Variants in SUSD5 observed in about 807,000 individuals in gnomAD.
The protein encoded by SUSD5 is sushi domain-containing protein 5.
SUSD5 carries 33 observed loss-of-function variants against 29.5 expected under a neutral mutation model. That is an observed-to-expected ratio of 1.12 (90% confidence interval 0.85 to 1.49). SUSD5 has a LOEUF of 1.49. SUSD5 is among the 40% of genes most tolerant of loss of function. SUSD5 has a pLI of 0.00. For synonymous variants in SUSD5, 308 were observed against 325.3 expected (o/e 0.95, Z 0.57); for missense variants, 776 against 800.6 (o/e 0.97, Z 0.37).
chr3:33,180,003 A>G (rs2125622613), intron 3 of SUSD5, among the ~76,000 whole-genome samples: 1 of 152,374 alleles, frequency 6.6e-6, no homozygotes, highest in African/African-American at 2.4e-5. Flanking sequence ...CCAACTGTAT[A>G]AAAGTATAGC....
At chr3:33,187,505 C>T (rs1046042665) in intron 3 of SUSD5, among the ~76,000 whole-genome samples, 7 of 152,166 alleles carry the variant, frequency 4.6e-5, no homozygotes, top group African/African-American at 1.4e-4. Flanking sequence ...AAAAACACCA[C>T]TCATATCCAG....
Position 33,153,361 on chromosome 3 carries a change from G to A in SUSD5, c.1271C>T (p.Thr424Ile). The change falls in exon 5 of 5, where the codon ACC (threonine) becomes ATC (isoleucine). Residue 424 changes from threonine (T) to isoleucine (I), a missense_variant. Thr to Ile is a moderately conservative substitution (Grantham distance 89, BLOSUM62 -1). Coordinates refer to ENST00000309558, the MANE Select transcript of SUSD5 (RefSeq NM_015551.2). Reference sequence around the variant, plus strand: ...GGTCATGCCCTCGCTTGGTGTGAGGGTGCTACTCTTGGGCTTCTTAACTTC... The same window carrying A: ...GGTCATGCCCTCGCTTGGTGTGAGGATGCTACTCTTGGGCTTCTTAACTTC... Reference protein sequence around the residue: ...LVEVKKPKSSTLTPSEGMTHS... With the variant: ...LVEVKKPKSSILTPSEGMTHS... The A allele has an allele frequency of 6.2e-7, 1 of 1,613,844 alleles. No individual in the cohort carries two copies. The highest frequency in any genetic ancestry group is 8.5e-7 in the Non-Finnish European group (1 of 1,179,818).
intron 4 of SUSD5, among the ~76,000 whole-genome samples, chr3:33,158,832 G>A (rs6781673): frequency 0.32 from 48,426 of 151,910 alleles, 9,027 homozygotes; most frequent in East Asian, 0.5. Flanking sequence ...CCACCCACTC[G>A]AAAGCATAGG....
intron 3 of SUSD5, among the ~76,000 whole-genome samples, chr3:33,206,443 GTGTGTGTGTA>G (rs2032221289): frequency 1.6e-5 from 2 of 127,728 alleles, no homozygotes; most frequent in South Asian, 2.7e-4. Context: ...GTGTGTGTGT[GTGTGTGTGTA>G]TGTGTTTTAA....
chr3:33,178,428 G>A (rs1041693185), intron 3 of SUSD5, among the ~76,000 whole-genome samples: 1 of 140,144 alleles, frequency 7.1e-6, no homozygotes, highest in Admixed American at 7.2e-5. Context: ...AGATACATTG[G>A]TCTGTAGTTT....
chr3:33,155,421 C>A (rs896748813), intron 4 of SUSD5, among the ~76,000 whole-genome samples: 1 of 152,134 alleles, frequency 6.6e-6, no homozygotes, highest in Admixed American at 6.5e-5. Context: ...AACAGACCGA[C>A]AATATCAAAT....
intron 3 of SUSD5, among the ~76,000 whole-genome samples, chr3:33,180,208 A>T (rs2031639214): frequency 6.6e-6 from 1 of 152,192 alleles, no homozygotes; most frequent in African/African-American, 2.4e-5. Flanking sequence ...ATAATAGGAG[A>T]TGACAGCTCC....
At chr3:33,196,090 T>C (rs948610350) in intron 3 of SUSD5, among the ~76,000 whole-genome samples, 1 of 152,132 alleles carries the variant, frequency 6.6e-6, no homozygotes, top group African/African-American at 2.4e-5. Context: ...ATATAAATGG[T>C]TGGAGACTGA....
intron 3 of SUSD5, among the ~76,000 whole-genome samples, chr3:33,205,773 C>T (rs1357058146): frequency 6.6e-6 from 1 of 152,202 alleles, no homozygotes; most frequent in African/African-American, 2.4e-5. Flanking sequence ...GGGTACCTAG[C>T]TAACAGCAGC....
chr3:33,196,672 T>C (rs1366431665), intron 3 of SUSD5, among the ~76,000 whole-genome samples: 1 of 152,168 alleles, frequency 6.6e-6, no homozygotes, highest in Admixed American at 6.6e-5. Flanking sequence ...GTCAATAGGG[T>C]AGGCTGACCG....
intron 4 of SUSD5, among the ~76,000 whole-genome samples, chr3:33,173,326 A>C (rs1307754496): frequency 6.6e-6 from 1 of 152,252 alleles, no homozygotes; most frequent in African/African-American, 2.4e-5. Context: ...CATCAGCTGC[A>C]GCTGAACACA....
intron 2 of SUSD5, among the ~76,000 whole-genome samples, chr3:33,211,838 T>A (rs2125633674): frequency 6.6e-6 from 1 of 152,370 alleles, no homozygotes; most frequent in South Asian, 2.1e-4. Context: ...GCATTCTTCC[T>A]ATGTTTTCTT....
chr3:33,174,781 A>T lies in SUSD5; in HGVS notation c.598+105T>A, dbSNP rs2031508496. On this transcript the variant is annotated intron_variant, in intron 4 of 4. Coordinates refer to ENST00000309558, the MANE Select transcript of SUSD5 (RefSeq NM_015551.2). ...TAAAGGTCTGAAAGCCTCTTTTCAA[A>T]GGCACCTTGGTGGAGAAGAGCCCAC... 5.9e-6 allele frequency: 8 copies of T among 1,353,970 alleles called. No homozygotes were observed. The South Asian group carries it at 8.2e-5, about 14-fold the overall frequency. The allele number at this position is 1,353,970 out of a possible 1,614,324, so 83.9% of individuals were successfully genotyped here. A position where few individuals can be genotyped will look rare whatever the true frequency, so the allele number is the denominator to read the frequency against.
At chr3:33,194,555 A>G (rs544366968) in intron 3 of SUSD5, among the ~76,000 whole-genome samples, 2 of 152,326 alleles carry the variant, frequency 1.3e-5, no homozygotes, top group South Asian at 4.1e-4. Flanking sequence ...TGTTTCAAGG[A>G]AGTGTGTGGT....
intron 3 of SUSD5, among the ~76,000 whole-genome samples, chr3:33,181,095 G>A (rs996285860): frequency 6.6e-6 from 1 of 151,754 alleles, no homozygotes; most frequent in South Asian, 2.1e-4. Flanking sequence ...CTGTTATTAT[G>A]AAAAAGTCAA....
At chr3:33,197,408 T>C (rs2032015608) in intron 3 of SUSD5, among the ~76,000 whole-genome samples, 1 of 152,226 alleles carries the variant, frequency 6.6e-6, no homozygotes, top group African/African-American at 2.4e-5. Context: ...TTTGGAGTTA[T>C]AGAATATAAC....
In SUSD5 at chr3:33,186,280, T is replaced by A. The variant is rs147178322; in HGVS notation, c.410-11206A>T. On this transcript the variant is annotated intron_variant, in intron 3 of 4. Transcript: ENST00000309558. ...TTGCGCCACTGCACTCCAGCCTGGG[T>A]GACAGAGCAAGACTGTGTCTCAAAA... 5.6e-3 allele frequency among the ~76,000 whole-genome samples: 837 copies of A among 150,460 alleles called. 9 individuals are homozygous for A. The highest frequency in any genetic ancestry group is 0.019 in the African/African-American group (791 of 40,902).
intron 4 of SUSD5, among the ~76,000 whole-genome samples, chr3:33,166,012 CAAAAA>C (rs60528336): frequency 3.2e-4 from 38 of 119,136 alleles, no homozygotes; most frequent in Admixed American, 3.1e-3. Flanking sequence ...CCCCCCTCTC[CAAAAA>C]AAAAAAAAAA....
At chr3:33,189,024 G>A (rs952397680) in intron 3 of SUSD5, among the ~76,000 whole-genome samples, 1 of 152,174 alleles carries the variant, frequency 6.6e-6, no homozygotes, top group South Asian at 2.1e-4. Flanking sequence ...CAACTTGTAG[G>A]GATTCTACCA....
Sources: allele counts gnomAD v4.1 joint callset (sites outside exome capture counted in the v4.1 genomes callset), GRCh38; gene constraint gnomAD v4.1.1; transcripts MANE v1.5; gene names NCBI Gene and HGNC (gene_info 2026-07-23, HGNC 2026-07-21).